The following RNF141 variants were observed in gnomAD, a reference collection of about 807,000 sequenced individuals.
The protein encoded by RNF141 is ring finger protein 141, also known as C3HC4-like zinc finger protein.
RNF141 carries 18 observed loss-of-function variants against 27.4 expected under a neutral mutation model. The observed-to-expected ratio is 0.66, with a 90% CI of 0.45 to 0.97. RNF141 has a LOEUF of 0.97. RNF141 is among the 50% of genes least tolerant of loss of function. RNF141 has a pLI of 0.00. For missense variants in RNF141, 230 were observed against 279.4 expected (o/e 0.82, Z 1.26); for synonymous variants, 97 against 96.6 (o/e 1.00, Z -0.02).
At chr11:10,526,750 C>G (rs1421064243) in intron 3 of RNF141, among the ~76,000 whole-genome samples, 1 of 151,306 alleles carries the variant, frequency 6.6e-6, no homozygotes, top group Non-Finnish European at 1.5e-5. Context: ...CCACTGCACT[C>G]CAGCCTGGGC....
chr11:10,540,194 G>A (rs1850083062), intron 1 of RNF141, among the ~76,000 whole-genome samples: 1 of 152,056 alleles, frequency 6.6e-6, no homozygotes, highest in African/African-American at 2.4e-5. Context: ...CAAGAAGAAT[G>A]GGCAGAAGGG....
chr11:10,530,809 A>C (rs1591500041), intron 2 of RNF141, 58 bp from the exon 3 acceptor site: 1 of 999,904 alleles, frequency 1.0e-6, no homozygotes. Context: ...ATAAAATAAT[A>C]CAGCCATGAA....
intron 2 of RNF141, among the ~76,000 whole-genome samples, chr11:10,532,216 T>C (rs1429635200): frequency 6.6e-6 from 1 of 152,056 alleles, no homozygotes; most frequent in Admixed American, 6.6e-5. Flanking sequence ...GAGTTGAAAA[T>C]ATAAACATAA....
intron 5 of RNF141, 168 bp downstream of exon 5, chr11:10,518,864 TAA>T (rs35663883): frequency 0.5 from 240,979 of 484,506 alleles, 62,761 homozygotes; most frequent in East Asian, 0.61. Flanking sequence ...ATGTTAGGTG[TAA>T]AAACAAAAAT....
chr11:10,527,970 T>C (rs922905220), intron 3 of RNF141, among the ~76,000 whole-genome samples: 1 of 152,158 alleles, frequency 6.6e-6, no homozygotes, highest in Non-Finnish European at 1.5e-5. Flanking sequence ...GAAGTTGGTC[T>C]AAGAAAAAAG....
chr11:10,514,616 C>T lies in RNF141; in HGVS notation c.*300G>A. ...TGCAAAACAGTAGTGTTTTAGAAGC[C>T]TCTGGAAGTGTTGCTGTTACCTTTA... On this transcript the variant is annotated 3_prime_UTR_variant, in exon 6 of 6. Coordinates refer to ENST00000265981, the MANE Select transcript of RNF141 (RefSeq NM_016422.4). 1 of 229,754 alleles carries T rather than the reference C, an allele frequency of 4.4e-6. No individual in the cohort carries two copies. Among genetic ancestry groups the T allele is most frequent in the East Asian group, 9.2e-5 (1 of 10,920 alleles). The allele number at this position is 229,754 out of a possible 1,614,324, so 14.2% of individuals were successfully genotyped here.
Position 10,515,388 on chromosome 11 carries a change from G to A in RNF141, c.543-322C>T, listed in dbSNP as rs7115413. ...GTATGTATCAGCACCTGTTAGAGCTGTTTATTCTTTTTAACATACACTGTA... is the reference window on the plus strand; with the variant it reads ...GTATGTATCAGCACCTGTTAGAGCTATTTATTCTTTTTAACATACACTGTA... On this transcript the variant is annotated intron_variant, in intron 5 of 5. Coordinates refer to ENST00000265981, the MANE Select transcript of RNF141 (RefSeq NM_016422.4). 788 of 215,428 alleles carry A rather than the reference G, an allele frequency of 3.7e-3. 14 individuals are homozygous for A. Among genetic ancestry groups the A allele is most frequent in the African/African-American group, 0.017 (737 of 43,908 alleles). The allele number at this position is 215,428 out of a possible 1,614,324, so 13.3% of individuals were successfully genotyped here.
rs775164323 is a variant in RNF141, at chr11:10,524,748, C to T, written c.434+444G>A. Among the ~76,000 whole-genome samples the T allele has an allele frequency of 5.3e-5, 8 of 152,168 alleles. 1 individual carries two copies. Among genetic ancestry groups the T allele is most frequent in the Non-Finnish European group, 1.0e-4 (7 of 68,014 alleles). ...ACTAAGTATATGCATTCGGTTCCTT[C>T]CTGAATGGACTGCCAAGTCCTGAAG... On this transcript the variant is annotated intron_variant, in intron 4 of 5. Coordinates refer to ENST00000265981, the MANE Select transcript of RNF141 (RefSeq NM_016422.4).
intron 3 of RNF141, among the ~76,000 whole-genome samples, chr11:10,525,592 C>A (rs1470960700): frequency 6.6e-6 from 1 of 152,164 alleles, no homozygotes; most frequent in Non-Finnish European, 1.5e-5. Flanking sequence ...TCATTTAACA[C>A]ACAAAATCAC....
At position 10,527,703 on chromosome 11, in the gene RNF141, GTGGAATAGGCTGGTTGTTGTGCT is replaced by G. The variant is rs559899128; in HGVS notation, c.253-2353_253-2331del. Among the ~76,000 whole-genome samples the G allele has an allele frequency of 1.5e-3, 225 of 152,302 alleles. 1 individual carries two copies. The highest frequency in any genetic ancestry group is 4.3e-3 in the Admixed American group (66 of 15,294). On this transcript the variant is annotated intron_variant, in intron 3 of 5. Coordinates refer to ENST00000265981, the MANE Select transcript of RNF141 (RefSeq NM_016422.4). ...TCTAATTTACATTTCAAATTGTGAT[GTGGAATAGGCTGGTTGTTGTGCT>G]TGGAATAGACTGCTTGTTGTGCTGA...
chr11:10,540,787 G>C (rs1222763175), intron 1 of RNF141: 2 of 152,274 alleles, frequency 1.3e-5, no homozygotes, highest in Non-Finnish European at 2.9e-5. Flanking sequence ...TCCGGCGGCC[G>C]AATGACTGAG....
At position 10,521,237 on chromosome 11, in the gene RNF141, C is replaced by T. The variant is rs113251963; in HGVS notation, c.435-2096G>A. ...ACCTTGGTAACTCAGCTCAAAACAT[C>T]ATCATCTCTCTGCTCTCAAAATCAA... On this transcript the variant is annotated intron_variant, in intron 4 of 5. Coordinates refer to ENST00000265981, the MANE Select transcript of RNF141 (RefSeq NM_016422.4). 2.0e-4 allele frequency among the ~76,000 whole-genome samples: 30 copies of T among 152,270 alleles called. 1 individual carries two copies. Among genetic ancestry groups the T allele is most frequent in the African/African-American group, 6.7e-4 (28 of 41,556 alleles).
chr11:10,528,052 T>C (rs1055997711), intron 3 of RNF141, among the ~76,000 whole-genome samples: 1 of 152,228 alleles, frequency 6.6e-6, no homozygotes, highest in Admixed American at 6.5e-5. Flanking sequence ...TAATCTCTTA[T>C]TTTTCTAATA....
chr11:10,537,685 G>A (rs1011039046), intron 1 of RNF141, among the ~76,000 whole-genome samples: 46 of 152,142 alleles, frequency 3.0e-4, no homozygotes, highest in Middle Eastern at 3.4e-3. Context: ...AGTAATTAAG[G>A]CCAAAAGCTT....
At chr11:10,533,540 A>AGTAT (rs11397587) in intron 2 of RNF141, among the ~76,000 whole-genome samples, 2 of 121,570 alleles carry the variant, frequency 1.6e-5, no homozygotes, top group East Asian at 4.4e-4. Context: ...AGTAAAAAAA[A>AGTAT]GTATATATAT....
chr11:10,537,011 T>C (rs1230085930), intron 1 of RNF141, among the ~76,000 whole-genome samples: 1 of 152,244 alleles, frequency 6.6e-6, no homozygotes, highest in African/African-American at 2.4e-5. Context: ...TAGATAGTCA[T>C]AGTTTGGTAA....
At chr11:10,526,160 C>A (rs1849934232) in intron 3 of RNF141, among the ~76,000 whole-genome samples, 1 of 152,160 alleles carries the variant, frequency 6.6e-6, no homozygotes, top group African/African-American at 2.4e-5. Context: ...GAAAGACTTC[C>A]TTTCAGCACA....
chr11:10,530,453 G>T (rs1849975435), intron 3 of RNF141, among the ~76,000 whole-genome samples, 190 bp downstream of exon 3: 1 of 152,134 alleles, frequency 6.6e-6, no homozygotes, highest in African/African-American at 2.4e-5. Context: ...AAAAACCCCT[G>T]CTGTATAGCA....
intron 4 of RNF141, among the ~76,000 whole-genome samples, chr11:10,520,770 C>G (rs1318739300): frequency 6.6e-6 from 1 of 152,136 alleles, no homozygotes; most frequent in Non-Finnish European, 1.5e-5. Context: ...TGCATTGCAT[C>G]ACAATATTAG....
Sources: allele counts gnomAD v4.1 joint callset (sites outside exome capture counted in the v4.1 genomes callset), GRCh38; gene constraint gnomAD v4.1.1; transcripts MANE v1.5; gene names NCBI Gene and HGNC (gene_info 2026-07-23, HGNC 2026-07-21).